Variants in MTMR12 observed in about 807,000 individuals in gnomAD.
MTMR12 encodes myotubularin-related protein 12.
In MTMR12, 33 loss-of-function variants were observed where a neutral mutation model predicts 96.7. That is an observed-to-expected ratio of 0.34 (90% CI 0.26 to 0.46). MTMR12 has a LOEUF of 0.46. Ranked by LOEUF, MTMR12 falls within the 20% of genes least tolerant of loss-of-function variation. The pLI is 1.00. For synonymous variants in MTMR12, 298 were observed against 327.2 expected (o/e 0.91, Z 0.96); for missense variants, 721 against 896.1 (o/e 0.80, Z 2.49).
chr5:32,264,833 A>G (rs548902077), intron 6 of MTMR12, among the ~76,000 whole-genome samples: 1 of 152,180 alleles, frequency 6.6e-6, no homozygotes, highest in East Asian at 1.9e-4. Context: ...CATTTCCTCC[A>G]TTTTACAGAT....
At chr5:32,268,243 C>G (rs1749683670) in intron 6 of MTMR12, among the ~76,000 whole-genome samples, 2 of 152,036 alleles carry the variant, frequency 1.3e-5, no homozygotes, top group Non-Finnish European at 2.9e-5. Flanking sequence ...CCCAGTGGCT[C>G]ACACCTGTAA....
chr5:32,257,191 C>T (rs370893234), intron 7 of MTMR12, among the ~76,000 whole-genome samples: 2 of 152,238 alleles, frequency 1.3e-5, no homozygotes, highest in South Asian at 2.1e-4. Context: ...ATTAGCTGGA[C>T]GAAGTGGCAC....
chr5:32,281,997 T>A (rs1289726570), intron 1 of MTMR12, among the ~76,000 whole-genome samples: 3 of 151,740 alleles, frequency 2.0e-5, no homozygotes, highest in African/African-American at 7.3e-5. Flanking sequence ...TGACAGTAGA[T>A]CAAGTTGCTA....
chr5:32,303,904 G>C (rs1403339033), intron 1 of MTMR12, among the ~76,000 whole-genome samples: 1 of 148,002 alleles, frequency 6.8e-6, no homozygotes, highest in African/African-American at 2.5e-5. Context: ...AGCACAACTT[G>C]ATGAGAAACT....
chr5:32,271,097 A>G, intron 4 of MTMR12, 150 bp from the exon 5 acceptor site: 1 of 929,542 alleles, frequency 1.1e-6, no homozygotes, highest in South Asian at 1.9e-5. Flanking sequence ...CTGCCAAAGG[A>G]AGCCCAATCT....
intron 1 of MTMR12, among the ~76,000 whole-genome samples, chr5:32,282,606 C>T (rs1016776469): frequency 3.3e-5 from 5 of 152,104 alleles, no homozygotes; most frequent in African/African-American, 1.2e-4. Flanking sequence ...CTATCAACTG[C>T]TTCCCCCCTC....
chr5:32,269,281 C>T (rs1370091834), intron 5 of MTMR12, among the ~76,000 whole-genome samples: 2 of 151,982 alleles, frequency 1.3e-5, no homozygotes, highest in African/African-American at 2.4e-5. Context: ...CCTGCCTCAG[C>T]CTCCCAAAGT....
At chr5:32,282,985 G>A (rs914976458) in intron 1 of MTMR12, among the ~76,000 whole-genome samples, 1 of 152,204 alleles carries the variant, frequency 6.6e-6, no homozygotes, top group African/African-American at 2.4e-5. Context: ...GAATGAAGGA[G>A]AGCAGAGGTG....
chr5:32,269,758 G>T (rs1169866897), intron 5 of MTMR12, among the ~76,000 whole-genome samples: 1 of 152,212 alleles, frequency 6.6e-6, no homozygotes, highest in Non-Finnish European at 1.5e-5. Flanking sequence ...GCTGATATTG[G>T]ATTATAACCA....
intron 11 of MTMR12, among the ~76,000 whole-genome samples, chr5:32,242,928 C>G (rs1009895594): frequency 3.3e-5 from 5 of 152,086 alleles, no homozygotes; most frequent in African/African-American, 1.2e-4. Context: ...AAGCATTGCT[C>G]TCCCTCCTGA....
Position 32,312,552 on chromosome 5 carries a change from A to ACCTG in MTMR12, c.81+202_81+205dup, listed in dbSNP as rs1462755150. On this transcript the variant is annotated intron_variant, in intron 1 of 15. Coordinates refer to ENST00000382142, the MANE Select transcript of MTMR12 (RefSeq NM_001040446.3). The surrounding 1 kb of genome is among the most constrained non-coding windows in gnomAD (Gnocchi z 5.0). The stretch of plus-strand genomic sequence containing the variant: ...CAGCGCTCGGGCCCTGCGCTCAGGC[A>ACCTG]CCTGCCTGCCTGCGCCGGGGTCCCC... 6.6e-6 allele frequency among the ~76,000 whole-genome samples: 1 copy of ACCTG among 151,940 alleles called. No homozygotes were observed. Among genetic ancestry groups the ACCTG allele is most frequent in the Non-Finnish European group, 1.5e-5 (1 of 67,932 alleles).
intron 3 of MTMR12, 34 bp downstream of exon 3, chr5:32,273,946 C>T: frequency 6.2e-7 from 1 of 1,612,368 alleles, no homozygotes; most frequent in Non-Finnish European, 8.5e-7. Flanking sequence ...CACACTGTTG[C>T]CCACAAACTC....
At chr5:32,264,039 C>A (rs1047325357) in intron 6 of MTMR12, among the ~76,000 whole-genome samples, 5 of 152,162 alleles carry the variant, frequency 3.3e-5, no homozygotes, top group African/African-American at 1.2e-4. Flanking sequence ...TTCCTGAAGG[C>A]CATAAACAGA....
At chr5:32,309,913 C>T (rs1295534977) in intron 1 of MTMR12, 2 of 152,040 alleles carry the variant, frequency 1.3e-5, no homozygotes, top group African/African-American at 2.4e-5. Flanking sequence ...TTGGTGGGAA[C>T]GTAAATCAAT....
intron 1 of MTMR12, among the ~76,000 whole-genome samples, chr5:32,304,566 A>G (rs1363658265): frequency 1.3e-5 from 2 of 152,210 alleles, no homozygotes; most frequent in African/African-American, 4.8e-5. Context: ...AAAGCACACC[A>G]TCACATAGGG....
At chr5:32,311,631 A>C (rs1163459293) in intron 1 of MTMR12, among the ~76,000 whole-genome samples, 1 of 152,204 alleles carries the variant, frequency 6.6e-6, no homozygotes, top group Non-Finnish European at 1.5e-5. Context: ...GCTTCTCATT[A>C]GGCATTTGGA....
chr5:32,233,848 C>A lies in MTMR12; in HGVS notation c.1599G>T (p.Gln533His). The change falls in exon 15 of 16, where the codon CAG (glutamine) becomes CAT (histidine). Residue 533 changes from glutamine (Q) to histidine (H), a missense_variant. By Grantham distance (24) the Gln-to-His change is conservative. Transcript: ENST00000382142. This position sits in a 1 kb window ranked among gnomAD's most constrained non-coding sequence, Gnocchi z 5.0. ...CATAAAGAGGGTTTTTGAGCAATGT[C>A]TGGGCTTTGGGTTCAAACTGCACCG... ...DWSVQFEPKA[Q>H]TLLKNPLYVE... The A allele has an allele frequency of 6.2e-7, 1 of 1,614,170 alleles. No homozygotes were observed. The highest frequency in any genetic ancestry group is 1.1e-5 in the South Asian group (1 of 91,082).
At chr5:32,263,848 T>C (rs970578576) in intron 6 of MTMR12, among the ~76,000 whole-genome samples, 9 of 152,242 alleles carry the variant, frequency 5.9e-5, no homozygotes, top group African/African-American at 1.9e-4. Flanking sequence ...AAAAAGATCA[T>C]GTGAAGCACT....
In MTMR12 at chr5:32,247,508, G is replaced by A. The variant is rs1175234431; in HGVS notation, c.1021+494C>T. On this transcript the variant is annotated intron_variant, in intron 10 of 15. Transcript: ENST00000382142. ...CTGGGCAGGAAAATGGGGGTAGCTG[G>A]GACAGGCATATTTCATTTTCTACTT... is the stretch of plus-strand genomic sequence containing the variant. Among the ~76,000 whole-genome samples, 3 of 152,164 alleles carry A rather than the reference G, an allele frequency of 2.0e-5. No individual in the cohort carries two copies. In the East Asian group the frequency reaches 5.8e-4, roughly 29 times the overall value.
Sources: allele counts gnomAD v4.1 joint callset (sites outside exome capture counted in the v4.1 genomes callset), GRCh38; gene constraint gnomAD v4.1.1; non-coding constraint Gnocchi (gnomAD v3.1); transcripts MANE v1.5; gene names NCBI Gene and HGNC (gene_info 2026-07-23, HGNC 2026-07-21).